Variants in ADGRF5 observed in about 807,000 individuals in gnomAD.
ADGRF5 encodes G-protein coupled receptor 116.
In ADGRF5, 75 loss-of-function variants were observed where a neutral mutation model predicts 132.3. The observed-to-expected ratio is 0.57, with a 90% CI of 0.47 to 0.69. The LOEUF is 0.69. Among genes scored for constraint, ADGRF5 ranks in the 30% least tolerant of loss-of-function variants. The pLI is 0.00. For synonymous variants in ADGRF5, 629 were observed against 597.6 expected, an observed-to-expected ratio of 1.05 and a Z score of -0.77; for missense variants, 1,516 against 1,630.6, an observed-to-expected ratio of 0.93 and a Z score of 1.21.
chr6:46,895,533 A>G (rs920415489), intron 3 of ADGRF5, among the ~76,000 whole-genome samples: 1 of 151,360 alleles, frequency 6.6e-6, no homozygotes, highest in Non-Finnish European at 1.5e-5. Flanking sequence ...CAGAAAGGGC[A>G]GGATTTCCGT....
Position 46,888,415 on chromosome 6 carries a change from T to G in ADGRF5, c.248A>C (p.Tyr83Ser). ...AATTGGAAAACTGAGGCTGTTCAAGTAGGCTTTGATAGGATCCAGGAAGGA... is the reference window on the plus strand; with the variant it reads ...AATTGGAAAACTGAGGCTGTTCAAGGAGGCTTTGATAGGATCCAGGAAGGA... ...NASFLDPIKAYLNSLSFPIHG... is the reference protein window; with the variant it reads ...NASFLDPIKASLNSLSFPIHG... The change falls in exon 4 of 21, where the codon TAC becomes TCC. Residue 83 changes from tyrosine (Y) to serine (S), a missense_variant. By Grantham distance (144) the Tyr-to-Ser change is moderately radical (BLOSUM62 -2). This residue lies in a region of ADGRF5 where 945 missense variants were observed against 929.4 expected (regional missense o/e 1.02). Coordinates refer to ENST00000283296, the MANE Select transcript of ADGRF5 (RefSeq NM_001098518.2). 1 of 1,608,496 alleles carries G rather than the reference T, an allele frequency of 6.2e-7. No individual in the cohort carries two copies. Among genetic ancestry groups the G allele is most frequent in the Admixed American group, 1.7e-5 (1 of 60,018 alleles).
intron 14 of ADGRF5, among the ~76,000 whole-genome samples, chr6:46,863,543 G>A (rs1211339264): frequency 6.6e-6 from 1 of 152,122 alleles, no homozygotes; most frequent in South Asian, 2.1e-4. Context: ...GGAACTCTAG[G>A]TACCCATGAC....
intron 7 of ADGRF5, among the ~76,000 whole-genome samples, chr6:46,881,831 G>A (rs1312396829): frequency 6.6e-6 from 1 of 152,086 alleles, no homozygotes; most frequent in Admixed American, 6.6e-5. Flanking sequence ...ATCTTTGCTT[G>A]CAAAATTTTT....
chr6:46,906,597 T>C, intron 2 of ADGRF5, 64 bp downstream of exon 2: 3 of 865,508 alleles, frequency 3.5e-6, no homozygotes, highest in Middle Eastern at 2.2e-4. Flanking sequence ...GTAAGAACCA[T>C]TGTCAGTCAG....
At chr6:46,854,683 G>A (rs577091957) in intron 20 of ADGRF5, 12 of 1,220,782 alleles carry the variant, frequency 9.8e-6, no homozygotes, top group Admixed American at 9.2e-5. Flanking sequence ...AGTGTGTGTC[G>A]GGCAAGAAAA....
At position 46,859,362 on chromosome 6, in the gene ADGRF5, G is replaced by A. The variant is rs1769455536; in HGVS notation, c.2541C>T (p.Ser847=). 6.2e-7 allele frequency: 1 copy of A among 1,613,734 alleles called. No homozygotes were observed. Among genetic ancestry groups the A allele is most frequent in the Non-Finnish European group, 8.5e-7 (1 of 1,179,796 alleles). Residue 847 remains serine (S), a synonymous_variant, in exon 17 of 21, where the codon TCC becomes TCT. Transcript: ENST00000283296. The stretch of plus-strand genomic sequence containing the variant: ...TGCTGCTCATCTGCACATTAGTTTG[G>A]GAGAAGGACAAAGGAGGGCTATCTC... ...QSGDSPPLSF[S]QTNVQMSSMV... is the part of the protein sequence containing the mutation.
chr6:46,914,902 C>A (rs1204420635), intron 1 of ADGRF5, among the ~76,000 whole-genome samples: 1 of 151,892 alleles, frequency 6.6e-6, no homozygotes, highest in Non-Finnish European at 1.5e-5. Flanking sequence ...GACACCCTGG[C>A]TGGAGTGCAA....
At position 46,852,640 on chromosome 6, in the gene ADGRF5, A is replaced by G. The variant is rs2150765513; in HGVS notation, c.*1352T>C. The G allele has an allele frequency of 6.6e-6, 1 of 151,304 alleles. No individual in the cohort carries two copies. Among genetic ancestry groups the G allele is most frequent in the Middle Eastern group, 3.4e-3 (1 of 294 alleles). The allele number at this position is 151,304 out of a possible 1,614,324, so 9.4% of individuals were successfully genotyped here. The stretch of plus-strand genomic sequence containing the variant: ...ATTTTTTAATGAAATACACACCAAA[A>G]AAAAGCACACATGCAGATAATTCAC... On this transcript the variant is annotated 3_prime_UTR_variant, in exon 21 of 21. Transcript: ENST00000283296.
At chr6:46,913,948 T>C (rs1186105127) in intron 1 of ADGRF5, among the ~76,000 whole-genome samples, 1 of 152,188 alleles carries the variant, frequency 6.6e-6, no homozygotes, top group Non-Finnish European at 1.5e-5. Flanking sequence ...CAACGGCATA[T>C]ACCCTAATGT....
chr6:46,881,039 G>A (rs555971926), intron 8 of ADGRF5, among the ~76,000 whole-genome samples: 2 of 152,182 alleles, frequency 1.3e-5, no homozygotes, highest in Non-Finnish European at 2.9e-5. Context: ...AGTAGAGGCT[G>A]TAGAGAGCCA....
At chr6:46,940,246 T>G (rs1469704084) in intron 1 of ADGRF5, among the ~76,000 whole-genome samples, 1 of 152,250 alleles carries the variant, frequency 6.6e-6, no homozygotes, top group African/African-American at 2.4e-5. Context: ...AAAGATTAAT[T>G]GAGCCACTTG....
intron 13 of ADGRF5, among the ~76,000 whole-genome samples, chr6:46,866,398 G>C (rs1342209983): frequency 6.6e-6 from 1 of 152,100 alleles, no homozygotes; most frequent in African/African-American, 2.4e-5. Context: ...AGGGAGCACA[G>C]TCTTTACTTT....
chr6:46,938,698 A>G (rs1342255779), intron 1 of ADGRF5, among the ~76,000 whole-genome samples: 1 of 152,120 alleles, frequency 6.6e-6, no homozygotes, highest in Non-Finnish European at 1.5e-5. Context: ...TCCCCCGCCT[A>G]GAGTCTCAAG....
At chr6:46,937,318 A>G (rs1288800404) in intron 1 of ADGRF5, among the ~76,000 whole-genome samples, 1 of 151,470 alleles carries the variant, frequency 6.6e-6, no homozygotes, top group Non-Finnish European at 1.5e-5. Context: ...AATTCCCCTT[A>G]TGACACTTAC....
At chr6:46,938,516 A>G (rs1777932477) in intron 1 of ADGRF5, among the ~76,000 whole-genome samples, 1 of 152,218 alleles carries the variant, frequency 6.6e-6, no homozygotes. Flanking sequence ...TAAGCCAGTG[A>G]TAAAATCTTG....
At chr6:46,944,172 C>T (rs1778208371) in intron 1 of ADGRF5, among the ~76,000 whole-genome samples, 1 of 152,192 alleles carries the variant, frequency 6.6e-6, no homozygotes, top group Non-Finnish European at 1.5e-5. Flanking sequence ...GCGGGAGAAG[C>T]AGGGGCATGG....
At chr6:46,916,622 C>T (rs1581999252) in intron 1 of ADGRF5, among the ~76,000 whole-genome samples, 1 of 152,284 alleles carries the variant, frequency 6.6e-6, no homozygotes, top group East Asian at 1.9e-4. Context: ...TGAATGGGCC[C>T]CTCGCTCCTT....
At chr6:46,900,867 C>G (rs1483616492) in intron 2 of ADGRF5, among the ~76,000 whole-genome samples, 1 of 152,164 alleles carries the variant, frequency 6.6e-6, no homozygotes, top group Non-Finnish European at 1.5e-5. Context: ...AAAGTAAGGA[C>G]TCTGCAGACA....
chr6:46,935,247 C>A (rs1486627275), intron 1 of ADGRF5, among the ~76,000 whole-genome samples: 1 of 152,058 alleles, frequency 6.6e-6, no homozygotes, highest in Non-Finnish European at 1.5e-5. Flanking sequence ...TCGTGATCCA[C>A]CCGCCTCGGC....
Sources: gnomAD v4.1 joint callset for allele counts (sites outside exome capture counted in the v4.1 genomes callset) on GRCh38, gnomAD v4.1.1 for gene constraint, gnomAD v4.1.1 regional missense constraint, MANE v1.5 for transcripts, NCBI Gene and HGNC (gene_info 2026-07-23, HGNC 2026-07-21) for gene names.